Variants in RPP14 observed in about 807,000 individuals in gnomAD.
RPP14 encodes ribonuclease P/MRP subunit p14.
Under a neutral mutation model 17.8 loss-of-function variants are expected in RPP14, and 19 were observed. That is an observed-to-expected ratio of 1.07 (90% CI 0.74 to 1.57). RPP14 has a LOEUF of 1.57. Among genes scored for constraint, RPP14 ranks in the 40% most tolerant of loss-of-function variants. The pLI is 0.00. For synonymous variants in RPP14, 60 were observed against 56.4 expected (o/e 1.06, Z -0.29); for missense variants, 125 against 140.8 (o/e 0.89, Z 0.57).
chr3:58,311,048 T>G (rs2097481664), intron 3 of RPP14, among the ~76,000 whole-genome samples: 1 of 152,182 alleles, frequency 6.6e-6, no homozygotes, highest in Admixed American at 6.5e-5. Flanking sequence ...TTGTATTCCT[T>G]TTTTTCCTCC....
rs1445490956 is a variant in RPP14 at position 58,318,095 on chromosome 3, T to C, written c.*599T>C. The C allele has an allele frequency of 1.5e-5, 10 of 667,544 alleles. No homozygotes were observed. The East Asian group carries it at 2.7e-4, about 18-fold the overall frequency. The allele number at this position is 667,544 out of a possible 1,614,324, so 41.4% of individuals were successfully genotyped here. A position where few individuals can be genotyped will look rare whatever the true frequency, so the allele number is the denominator to read the frequency against. The stretch of plus-strand genomic sequence containing the variant: ...GTTATGGAAGGCTGGGTTAAAGTTA[T>C]GGTTCCAGAAGCTTCCAAATCCTGA... On this transcript the variant is annotated 3_prime_UTR_variant, in exon 6 of 6. Transcript: ENST00000295959.
In RPP14 at chr3:58,308,372, C is replaced by T. The variant is rs141994644; in HGVS notation, c.-21-1937C>T. 2.6e-4 allele frequency among the ~76,000 whole-genome samples: 39 copies of T among 152,268 alleles called. No homozygotes were observed. In the East Asian group the frequency reaches 6.0e-3, roughly 23 times the overall value. On this transcript the variant is annotated intron_variant, in intron 1 of 5. Transcript: ENST00000295959. Reference sequence around the variant, plus strand: ...AATCACAGTGCACTGTATCCTTAACCTCCCAGACTCAAGCTATCCTCCCAC... The same window carrying T: ...AATCACAGTGCACTGTATCCTTAACTTCCCAGACTCAAGCTATCCTCCCAC...
chr3:58,315,700 G>C (rs2097487531), intron 3 of RPP14: 1 of 152,134 alleles, frequency 6.6e-6, no homozygotes, highest in Admixed American at 6.5e-5. Context: ...TTTTGAAACA[G>C]AGTTTCGCTC....
chr3:58,307,448 G>A (rs2097476679), intron 1 of RPP14, among the ~76,000 whole-genome samples: 1 of 152,232 alleles, frequency 6.6e-6, no homozygotes, highest in Admixed American at 6.5e-5. Flanking sequence ...TCTAGGCCGG[G>A]CGCGGTGGCT....
chr3:58,318,945 A>G lies in RPP14; in HGVS notation c.*1449A>G, dbSNP rs1166481301. 6.6e-6 allele frequency: 1 copy of G among 151,712 alleles called. No homozygotes were observed. Among genetic ancestry groups the G allele is most frequent in the South Asian group, 2.1e-4 (1 of 4,810 alleles). 9.4% of individuals were successfully genotyped at this position (151,712 alleles called of 1,614,324 possible). ...ACCTGGGAGGTTGCAGTGAGCTGAA[A>G]TCACACCACTGCACTTCAGCCTGGG... On this transcript the variant is annotated 3_prime_UTR_variant, in exon 6 of 6. Coordinates refer to ENST00000295959, the MANE Select transcript of RPP14 (RefSeq NM_007042.6).
rs1215121087 is a variant in RPP14 at position 58,310,348 on chromosome 3, A to C, written c.19A>C (p.Thr7Pro). MPAPAA[T>P]YERVVYKNPS... The stretch of plus-strand genomic sequence containing the variant: ...GGAAAAGATGCCTGCCCCTGCTGCC[A>C]CATATGAAAGAGTAGTTTACAAAAA... The change falls in exon 2 of 6, where the codon ACA becomes CCA. Residue 7 changes from threonine to proline, a missense_variant. By Grantham distance (38) the Thr-to-Pro change is conservative. Coordinates refer to ENST00000295959, the MANE Select transcript of RPP14 (RefSeq NM_007042.6). The C allele has an allele frequency of 6.2e-7, 1 of 1,614,070 alleles. No individual in the cohort carries two copies. Among genetic ancestry groups the C allele is most frequent in the Non-Finnish European group, 8.5e-7 (1 of 1,180,022 alleles).
chr3:58,314,698 T>TGTTG (rs2097486410), intron 3 of RPP14, among the ~76,000 whole-genome samples: 3 of 145,546 alleles, frequency 2.1e-5, no homozygotes, highest in African/African-American at 7.7e-5. Context: ...TTTTTTTTTT[T>TGTTG]TTGTTGAGAT....
chr3:58,316,699 C>A, intron 4 of RPP14, 108 bp downstream of exon 4: 1 of 1,075,478 alleles, frequency 9.3e-7, no homozygotes, highest in Non-Finnish European at 1.4e-6. Flanking sequence ...GAACTCTGAG[C>A]AGCTTTTGGG....
At chr3:58,309,021 A>G (rs2097478973) in intron 1 of RPP14, among the ~76,000 whole-genome samples, 1 of 152,246 alleles carries the variant, frequency 6.6e-6, no homozygotes, top group South Asian at 2.1e-4. Context: ...TGCCCCTTCC[A>G]GGAATCCCTC....
At chr3:58,310,215 CAAACA>C in intron 1 of RPP14, 89 bp from the exon 2 acceptor site, 1 of 934,944 alleles carries the variant, frequency 1.1e-6, no homozygotes, top group Non-Finnish European at 1.7e-6. Flanking sequence ...TTAAAACAAA[CAAACA>C]AAAAAAACCC....
rs962301155 is a variant in RPP14, at chr3:58,319,108, G to A, written c.*1612G>A. The A allele has an allele frequency of 6.6e-6, 1 of 152,162 alleles. No individual in the cohort carries two copies. The highest frequency in any genetic ancestry group is 1.5e-5 in the Non-Finnish European group (1 of 68,028). 9.4% of individuals were successfully genotyped at this position (152,162 alleles called of 1,614,324 possible). On this transcript the variant is annotated 3_prime_UTR_variant, in exon 6 of 6. Coordinates refer to ENST00000295959, the MANE Select transcript of RPP14 (RefSeq NM_007042.6). Reference sequence around the variant, plus strand: ...CAGCTTGTCACTGTATTTTAACTGTGTAACAATTATTGAAGGCGAAAATAG... The same window carrying A: ...CAGCTTGTCACTGTATTTTAACTGTATAACAATTATTGAAGGCGAAAATAG...
At chr3:58,312,362 T>G (rs945016485) in intron 3 of RPP14, among the ~76,000 whole-genome samples, 1 of 99,836 alleles carries the variant, frequency 1.0e-5, no homozygotes, top group Non-Finnish European at 1.8e-5. Flanking sequence ...CGGATTCAAG[T>G]GATTCTCCTG....
At chr3:58,315,915 A>G (rs2097487795) in intron 3 of RPP14, 1 of 152,304 alleles carries the variant, frequency 6.6e-6, no homozygotes, top group Non-Finnish European at 1.5e-5. Context: ...ACCTCAGGTG[A>G]TCCGCCCTCC....
intron 3 of RPP14, 79 bp downstream of exon 3, chr3:58,310,670 C>T (rs560697933): frequency 2.5e-5 from 31 of 1,226,848 alleles, no homozygotes; most frequent in African/African-American, 1.7e-4. Context: ...CGGTAGCTCA[C>T]GCCTGTAATC....
rs138627807 is a variant in RPP14 at position 58,311,391 on chromosome 3, G to A, written c.162+800G>A. Among the ~76,000 whole-genome samples the A allele has an allele frequency of 3.6e-3, 547 of 152,314 alleles. 3 individuals are homozygous for A. Among genetic ancestry groups the A allele is most frequent in the African/African-American group, 0.013 (523 of 41,560 alleles). Reference sequence around the variant, plus strand: ...GCTGGTCTTGAACTCCTGACCTCAGGTGATCCACGCGCCTTGGGCTCCCAA... The same window carrying A: ...GCTGGTCTTGAACTCCTGACCTCAGATGATCCACGCGCCTTGGGCTCCCAA... On this transcript the variant is annotated intron_variant, in intron 3 of 5. Coordinates refer to ENST00000295959, the MANE Select transcript of RPP14 (RefSeq NM_007042.6).
intron 3 of RPP14, among the ~76,000 whole-genome samples, chr3:58,311,135 TTTTG>T (rs1356057295): frequency 1.3e-5 from 1 of 76,568 alleles, no homozygotes; most frequent in Non-Finnish European, 2.5e-5. Flanking sequence ...GAAATCTACT[TTTTG>T]TTGTTGTTGT....
Position 58,319,923 on chromosome 3 carries a change from A to C in RPP14, c.*2427A>C, listed in dbSNP as rs2097492754. On this transcript the variant is annotated 3_prime_UTR_variant, in exon 6 of 6. Transcript: ENST00000295959. ...AAAGTTGTACAACCATCACCAAATCAATTTTTTATAGCATTTTTCATCACC... is the reference window on the plus strand; with the variant it reads ...AAAGTTGTACAACCATCACCAAATCCATTTTTTATAGCATTTTTCATCACC... 1 of 152,128 alleles carries C rather than the reference A, an allele frequency of 6.6e-6. No individual in the cohort carries two copies. The highest frequency in any genetic ancestry group is 1.5e-5 in the Non-Finnish European group (1 of 68,028). 9.4% of individuals were successfully genotyped at this position (152,128 alleles called of 1,614,324 possible). A position where few individuals can be genotyped will look rare whatever the true frequency, so the allele number is the denominator to read the frequency against.
At chr3:58,317,039 G>A in intron 5 of RPP14, 46 bp downstream of exon 5, 2 of 1,342,634 alleles carry the variant, frequency 1.5e-6, no homozygotes, top group African/African-American at 1.4e-5. Flanking sequence ...TGAGTGATGG[G>A]TCAACTGCTT....
intron 3 of RPP14, among the ~76,000 whole-genome samples, chr3:58,313,504 A>C (rs1235310857): frequency 6.6e-6 from 1 of 152,150 alleles, no homozygotes; most frequent in Non-Finnish European, 1.5e-5. Flanking sequence ...AAAATTTAAA[A>C]CTTTTACTCT....
Sources: gnomAD v4.1 joint callset for allele counts (sites outside exome capture counted in the v4.1 genomes callset) on GRCh38, gnomAD v4.1.1 for gene constraint, MANE v1.5 for transcripts, NCBI Gene and HGNC (gene_info 2026-07-23, HGNC 2026-07-21) for gene names.